Variants in DLC1 observed in about 807,000 individuals in gnomAD.
DLC1 encodes the protein rho GTPase-activating protein 7.
In DLC1, 54 loss-of-function variants were observed where a neutral mutation model predicts 140.3. The ratio of observed to expected loss-of-function variants is 0.38; its 90% CI spans 0.31 to 0.48. The LOEUF is 0.48. Among genes scored for constraint, DLC1 ranks in the 20% least tolerant of loss-of-function variants. DLC1 has a pLI of 0.96. For synonymous variants in DLC1, 986 were observed against 728.1 expected (o/e 1.35, Z -5.70); for missense variants, 2,536 against 1,907.0 (o/e 1.33, Z -6.14).
chr8:13,432,609 G>A (rs1311521365), intron 2 of DLC1, among the ~76,000 whole-genome samples: 2 of 152,170 alleles, frequency 1.3e-5, no homozygotes, highest in Admixed American at 1.3e-4. Context: ...CATGGAGGCT[G>A]GAAAATCTCT....
At chr8:13,334,170 C>A (rs1428228347) in intron 4 of DLC1, among the ~76,000 whole-genome samples, 1 of 152,030 alleles carries the variant, frequency 6.6e-6, no homozygotes, top group East Asian at 1.9e-4. Context: ...TTGAGTTGCA[C>A]CATGAATAAC....
chr8:13,562,532 T>C (rs1024033812), intron 1 of DLC1, among the ~76,000 whole-genome samples: 2 of 152,204 alleles, frequency 1.3e-5, no homozygotes, highest in South Asian at 4.1e-4. Flanking sequence ...TCATTTCTTA[T>C]CCTTTAGATT....
At chr8:13,558,952 CA>C (rs1435604545) in intron 1 of DLC1, 1 of 152,138 alleles carries the variant, frequency 6.6e-6, no homozygotes, top group East Asian at 1.9e-4. Flanking sequence ...GCAGACAAAA[CA>C]AAACAAAACA....
At chr8:13,255,699 A>C (rs1830195553) in intron 5 of DLC1, among the ~76,000 whole-genome samples, 1 of 152,096 alleles carries the variant, frequency 6.6e-6, no homozygotes, top group Admixed American at 6.6e-5. Context: ...TTCTGCCTGA[A>C]TTTATTAACC....
At chr8:13,355,941 T>G (rs565166343) in intron 4 of DLC1, among the ~76,000 whole-genome samples, 26 of 151,224 alleles carry the variant, frequency 1.7e-4, no homozygotes, top group Non-Finnish European at 3.7e-4. Context: ...TTCAAAAAAA[T>G]TAGCCAGGCA....
intron 2 of DLC1, among the ~76,000 whole-genome samples, chr8:13,459,881 T>A (rs1299096926): frequency 6.6e-6 from 1 of 152,244 alleles, no homozygotes; most frequent in African/African-American, 2.4e-5. Flanking sequence ...TATAATTTTA[T>A]GAGTAGGAGG....
chr8:13,209,803 G>A (rs1211850578), intron 5 of DLC1, among the ~76,000 whole-genome samples: 2 of 152,238 alleles, frequency 1.3e-5, no homozygotes, highest in Admixed American at 6.5e-5. Context: ...ATGATTGTAA[G>A]CTTACTGAGG....
intron 2 of DLC1, among the ~76,000 whole-genome samples, chr8:13,414,971 T>C (rs1401300051): frequency 6.6e-6 from 1 of 151,922 alleles, no homozygotes; most frequent in African/African-American, 2.4e-5. Flanking sequence ...CCACCATGCC[T>C]GGCTAATTTT....
chr8:13,209,676 G>A (rs554101512), intron 5 of DLC1, among the ~76,000 whole-genome samples: 1 of 152,174 alleles, frequency 6.6e-6, no homozygotes, highest in East Asian at 1.9e-4. Flanking sequence ...CTGTCCTCGT[G>A]ATAGTCAATG....
chr8:13,402,786 C>T (rs2117258193), intron 2 of DLC1, among the ~76,000 whole-genome samples: 1 of 152,134 alleles, frequency 6.6e-6, no homozygotes, highest in East Asian at 1.9e-4. Flanking sequence ...TAATTTTTTG[C>T]CATTTATTTT....
chr8:13,561,760 A>G (rs146374242), intron 1 of DLC1, among the ~76,000 whole-genome samples: 2,018 of 152,328 alleles, frequency 0.013, 22 homozygotes, highest in Middle Eastern at 0.021. Context: ...CAGAACTATG[A>G]TAAATTTTAT....
intron 2 of DLC1, among the ~76,000 whole-genome samples, chr8:13,405,777 C>G (rs1342775354): frequency 6.6e-6 from 1 of 151,930 alleles, no homozygotes; most frequent in African/African-American, 2.4e-5. Context: ...GTGAAGTCGT[C>G]TTGCCCTCTT....
At chr8:13,512,191 T>C (rs1433458111) in intron 1 of DLC1, among the ~76,000 whole-genome samples, 1 of 152,072 alleles carries the variant, frequency 6.6e-6, no homozygotes, top group Admixed American at 6.6e-5. Context: ...ATAGTGTCTC[T>C]TTTAAGTAGT....
intron 1 of DLC1, among the ~76,000 whole-genome samples, chr8:13,579,492 T>C (rs1368318357): frequency 0.027 from 2,311 of 84,282 alleles, 174 homozygotes; most frequent in East Asian, 0.079. Context: ...ATATTTAATA[T>C]ATTATATTTT....
chr8:13,547,485 A>G (rs1315019116), intron 1 of DLC1, among the ~76,000 whole-genome samples: 1 of 152,068 alleles, frequency 6.6e-6, no homozygotes, highest in Non-Finnish European at 1.5e-5. Context: ...CACTGTCTTA[A>G]GGGATACTCT....
At chr8:13,498,037 C>G (rs1801595722) in intron 2 of DLC1, among the ~76,000 whole-genome samples, 2 of 151,956 alleles carry the variant, frequency 1.3e-5, no homozygotes, top group Admixed American at 6.6e-5. Context: ...GTAGATAGCC[C>G]CAGTTGAACA....
At chr8:13,386,282 C>T (rs768386347) in intron 4 of DLC1, among the ~76,000 whole-genome samples, 16 of 151,804 alleles carry the variant, frequency 1.1e-4, no homozygotes, top group Middle Eastern at 3.2e-3. Context: ...CATTTTTTCC[C>T]GTATTTCTTT....
intron 5 of DLC1, among the ~76,000 whole-genome samples, chr8:13,194,243 G>A (rs1826926289): frequency 6.6e-6 from 1 of 152,206 alleles, no homozygotes; most frequent in African/African-American, 2.4e-5. Flanking sequence ...GAAACTGAGA[G>A]GACTGCTTTT....
intron 3 of DLC1, among the ~76,000 whole-genome samples, chr8:13,398,530 C>T (rs1044632722): frequency 3.4e-5 from 5 of 146,618 alleles, no homozygotes; most frequent in East Asian, 4.1e-4. Context: ...ATTGGGAGGC[C>T]GAGGTGTGAA....
Sources: gnomAD v4.1 joint callset for allele counts (sites outside exome capture counted in the v4.1 genomes callset) on GRCh38, gnomAD v4.1.1 for gene constraint, MANE v1.5 for transcripts, NCBI Gene and HGNC (gene_info 2026-07-23, HGNC 2026-07-21) for gene names.